Variants in NID1 observed in about 807,000 individuals in gnomAD.
NID1 encodes nidogen-1.
A neutral mutation model predicts 130.6 loss-of-function variants in NID1; 76 were observed. The observed-to-expected ratio is 0.58, with a 90% confidence interval of 0.48 to 0.70. The LOEUF (loss-of-function observed/expected upper bound fraction) is 0.70, where lower values mean the gene tolerates loss of function less well. Ranked by LOEUF, NID1 falls within the 30% of genes least tolerant of loss-of-function variation. The pLI, the probability that NID1 is intolerant of heterozygous loss-of-function variation, is 0.00. For synonymous variants in NID1, 665 were observed against 675.1 expected (o/e 0.98, Z 0.23); for missense variants, 1,517 against 1,664.8 (o/e 0.91, Z 1.54).
intron 7 of NID1, 118 bp from the exon 8 acceptor site, chr1:236,026,259 C>T: frequency 1.5e-6 from 2 of 1,312,328 alleles, no homozygotes; most frequent in Non-Finnish European, 2.1e-6. Flanking sequence ...GCCCATAAGG[C>T]TACCAGATGA....
intron 9 of NID1, among the ~76,000 whole-genome samples, chr1:236,018,348 G>C (rs1658660629): frequency 6.6e-6 from 1 of 152,196 alleles, no homozygotes; most frequent in African/African-American, 2.4e-5. Context: ...ACGGAAAATG[G>C]ATGGAGGTCA....
At chr1:236,050,071 A>G (rs1220310460) in intron 1 of NID1, among the ~76,000 whole-genome samples, 1 of 151,924 alleles carries the variant, frequency 6.6e-6, no homozygotes, top group Non-Finnish European at 1.5e-5. Flanking sequence ...AAGTACTACT[A>G]ATATCTATAT....
chr1:236,000,828 C>A (rs1658053853), intron 12 of NID1, among the ~76,000 whole-genome samples: 1 of 152,194 alleles, frequency 6.6e-6, no homozygotes, highest in Non-Finnish European at 1.5e-5. Context: ...CTCTCATATA[C>A]TCAATAGAGT....
At chr1:236,056,380 G>A (rs1481424908) in intron 1 of NID1, among the ~76,000 whole-genome samples, 4 of 152,084 alleles carry the variant, frequency 2.6e-5, no homozygotes, top group African/African-American at 9.7e-5. Context: ...TATTTATGGG[G>A]TACACGTGGA....
chr1:236,001,375 G>T (rs1468645476), intron 12 of NID1, among the ~76,000 whole-genome samples: 1 of 152,114 alleles, frequency 6.6e-6, no homozygotes, highest in African/African-American at 2.4e-5. Flanking sequence ...AAAGTGCTGG[G>T]ATTACAGGCT....
In NID1 at chr1:236,025,880, A is replaced by G; in HGVS notation, c.1984+16T>C. On this transcript the variant is annotated intron_variant, in intron 8 of 19. Coordinates refer to ENST00000264187, the MANE Select transcript of NID1 (RefSeq NM_002508.3). The stretch of plus-strand genomic sequence containing the variant: ...TGCATGAGCACCTGTGCCCAGCATG[A>G]GCTGTATCCCCTTACCCCTCACAGG... The G allele has an allele frequency of 6.2e-7, 1 of 1,611,192 alleles. No homozygotes were observed. The highest frequency in any genetic ancestry group is 1.3e-5 in the African/African-American group (1 of 74,968).
chr1:236,060,851 C>T (rs1029081074), intron 1 of NID1: 5 of 152,024 alleles, frequency 3.3e-5, no homozygotes, highest in African/African-American at 1.2e-4. Context: ...GGATGCAACA[C>T]CAAGGGCCTT....
Position 236,048,985 on chromosome 1 carries a change from G to A in NID1, c.230C>T (p.Thr77Ile). ...DRSDIDAVYV[T>I]TNGIIATSEP... ...ACTCGTAGCAATGATGCCATTTGTGGTGACCTGTACAAAACCAAGTGTGGT... is the reference window on the plus strand; with the variant it reads ...ACTCGTAGCAATGATGCCATTTGTGATGACCTGTACAAAACCAAGTGTGGT... Residue 77 changes from threonine (T) to isoleucine (I), a missense_variant, in exon 2 of 20, where the codon ACC becomes ATC. Thr to Ile is a moderately conservative substitution (Grantham distance 89, BLOSUM62 -1). Coordinates refer to ENST00000264187, the MANE Select transcript of NID1 (RefSeq NM_002508.3). 1.9e-6 allele frequency: 3 copies of A among 1,613,548 alleles called. No individual in the cohort carries two copies. The highest frequency in any genetic ancestry group is 1.7e-5 in the Admixed American group (1 of 59,766).
chr1:236,038,239 T>C lies in NID1; in HGVS notation c.1150A>G (p.Thr384Ala), dbSNP rs760344983. 1 of 1,612,448 alleles carries C rather than the reference T, an allele frequency of 6.2e-7. No homozygotes were observed. Among genetic ancestry groups the C allele is most frequent in the Non-Finnish European group, 8.5e-7 (1 of 1,178,842 alleles). Residue 384 changes from threonine to alanine, a missense_variant, in exon 5 of 20, where the codon ACG (threonine) becomes GCG (alanine). Physicochemically the swap from Thr to Ala is moderately conservative, Grantham distance 58 (BLOSUM62 0). Coordinates refer to ENST00000264187, the MANE Select transcript of NID1 (RefSeq NM_002508.3). ...TTAGCACACGTCTGGCGGGAATCCG[T>C]GTTATAGCTGAAAACTGGTCCAAGA... Reference protein sequence around the residue: ...EETGVVFSYNTDSRQTCANNR... With the variant: ...EETGVVFSYNADSRQTCANNR...
Position 236,018,218 on chromosome 1 carries a change from C to T in NID1, c.2129-945G>A, listed in dbSNP as rs1388419108. ...GAGTTGGACATAGCTAGGTTCAAAT[C>T]CTGCTTCCTTTAGCTATTAACTTGT... On this transcript the variant is annotated intron_variant, in intron 9 of 19. Transcript: ENST00000264187. Among the ~76,000 whole-genome samples the T allele has an allele frequency of 3.3e-5, 5 of 152,312 alleles. No individual in the cohort carries two copies. In the East Asian group the frequency reaches 9.6e-4, roughly 29 times the overall value.
intron 15 of NID1, among the ~76,000 whole-genome samples, chr1:235,982,520 G>A (rs1331574735): frequency 6.6e-6 from 1 of 152,046 alleles, no homozygotes; most frequent in Non-Finnish European, 1.5e-5. Context: ...CAAGTATAAG[G>A]GGTACAAAGA....
intron 11 of NID1, among the ~76,000 whole-genome samples, chr1:236,012,578 A>AAAAGAAAGAAAG (rs1553343927): frequency 3.0e-5 from 3 of 99,546 alleles, no homozygotes; most frequent in Non-Finnish European, 3.7e-5. Flanking sequence ...AAAAAAAAAA[A>AAAAGAAAGAAAG]AAAGAAAGAA....
chr1:236,018,604 C>T (rs1286028259), intron 9 of NID1, among the ~76,000 whole-genome samples: 1 of 152,218 alleles, frequency 6.6e-6, no homozygotes, highest in African/African-American at 2.4e-5. Flanking sequence ...TGAACAGTTA[C>T]ACAAGGTCCT....
At chr1:235,980,013 A>G in intron 17 of NID1, 68 bp from the exon 18 acceptor site, 1 of 1,548,990 alleles carries the variant, frequency 6.5e-7, no homozygotes, top group Admixed American at 1.7e-5. Context: ...AAAAAAAACA[A>G]GAGTAATGAG....
At chr1:236,000,046 T>G (rs1338918061) in intron 12 of NID1, among the ~76,000 whole-genome samples, 1 of 152,070 alleles carries the variant, frequency 6.6e-6, no homozygotes, top group Non-Finnish European at 1.5e-5. Context: ...AGACCCCATC[T>G]CTACTAAAAA....
chr1:235,981,240 A>T (rs971845613), intron 16 of NID1, among the ~76,000 whole-genome samples: 4 of 152,238 alleles, frequency 2.6e-5, no homozygotes, highest in African/African-American at 9.6e-5. Context: ...CAGGGTGTTC[A>T]GTCTGGGTCT....
chr1:236,004,962 G>A (rs1245262115), intron 12 of NID1, among the ~76,000 whole-genome samples: 2 of 151,800 alleles, frequency 1.3e-5, no homozygotes, highest in African/African-American at 4.8e-5. Context: ...AATCAGTGAG[G>A]TTGGGAGTTC....
chr1:236,028,716 A>G (rs1659011067), intron 7 of NID1, among the ~76,000 whole-genome samples: 1 of 152,048 alleles, frequency 6.6e-6, no homozygotes, highest in South Asian at 2.1e-4. Flanking sequence ...ATGGAGAGAC[A>G]GAGAGACAGA....
At chr1:235,980,073 CAT>C (rs1558419171) in intron 17 of NID1, 128 bp from the exon 18 acceptor site, 1 of 1,105,398 alleles carries the variant, frequency 9.0e-7, no homozygotes, top group Non-Finnish European at 1.3e-6. Context: ...CCAGAGAACA[CAT>C]GAGGCTTGCT....
Sources: gnomAD v4.1 joint callset for allele counts (sites outside exome capture counted in the v4.1 genomes callset) on GRCh38, gnomAD v4.1.1 for gene constraint, MANE v1.5 for transcripts, NCBI Gene and HGNC (gene_info 2026-07-23, HGNC 2026-07-21) for gene names.